Variants in TNFSF4 observed in about 807,000 individuals in gnomAD.
TNFSF4 encodes tumor necrosis factor ligand superfamily member 4.
TNFSF4 carries 4 observed loss-of-function variants against 7.3 expected under a neutral mutation model. The observed-to-expected ratio is 0.55, with a 90% CI of 0.27 to 1.25. TNFSF4 has a LOEUF of 1.25. Among genes scored for constraint, TNFSF4 ranks in the 50% most tolerant of loss-of-function variants. The pLI, the probability that TNFSF4 is intolerant of heterozygous loss-of-function variation, is 0.12. For missense variants in TNFSF4, 181 were observed against 208.8 expected (o/e 0.87, Z 0.82); for synonymous variants, 76 against 83.7 (o/e 0.91, Z 0.50).
At chr1:173,417,636 A>G in the TNFSF4 span, among the ~76,000 whole-genome samples, 1 of 152,204 alleles carries the variant, frequency 6.6e-6, no homozygotes, top group African/African-American at 2.4e-5. Flanking sequence ...GCCTGACATT[A>G]TAACAAAGAG....
the TNFSF4 span, among the ~76,000 whole-genome samples, chr1:173,312,980 C>T: frequency 6.6e-6 from 1 of 152,236 alleles, no homozygotes; most frequent in South Asian, 2.1e-4. Context: ...TTCAGCCCCA[C>T]TTACAGGGAC....
chr1:173,413,043 A>G, the TNFSF4 span, among the ~76,000 whole-genome samples: 1 of 152,184 alleles, frequency 6.6e-6, no homozygotes, highest in Non-Finnish European at 1.5e-5. Flanking sequence ...GATGGAGCCC[A>G]CCCAGACCAA....
At chr1:173,308,309 GTGTC>G in the TNFSF4 span, among the ~76,000 whole-genome samples, 160 of 149,210 alleles carry the variant, frequency 1.1e-3, no homozygotes, top group African/African-American at 2.8e-3. Flanking sequence ...GTGTGTGTGT[GTGTC>G]TGTGTGTGTG....
At chr1:173,191,855 T>C (rs557869598) in intron 1 of TNFSF4, among the ~76,000 whole-genome samples, 8 of 152,306 alleles carry the variant, frequency 5.3e-5, no homozygotes, top group African/African-American at 1.7e-4. Flanking sequence ...ATCCAGCAGT[T>C]TGCCAGCACA....
chr1:173,348,112 T>C, the TNFSF4 span, among the ~76,000 whole-genome samples: 2 of 152,142 alleles, frequency 1.3e-5, no homozygotes, highest in Non-Finnish European at 2.9e-5. Flanking sequence ...AGATCAATAA[T>C]CTAAGTACCT....
At chr1:173,212,162 T>C (rs1650393083), upstream of TNFSF4, among the ~76,000 whole-genome samples, 1 of 152,020 alleles carries the variant, frequency 6.6e-6, no homozygotes, top group Non-Finnish European at 1.5e-5. Flanking sequence ...CAGGAACAAA[T>C]ACAGTGAGAA....
chr1:173,190,725 G>A lies in TNFSF4; in HGVS notation c.154-2156C>T, dbSNP rs760594263. ...TCCTGGGTAAATAAATGTTTCCACT[G>A]CTCTCTGGGCTAAGTGCCAGCATGA... On this transcript the variant is annotated intron_variant, in intron 1 of 2. Transcript: ENST00000281834. Among the ~76,000 whole-genome samples, 52 of 152,352 alleles carry A rather than the reference G, an allele frequency of 3.4e-4. 1 individual carries two copies. Among genetic ancestry groups the A allele is most frequent in the South Asian group, 6.2e-4 (3 of 4,826 alleles).
chr1:173,306,503 G>T, the TNFSF4 span, among the ~76,000 whole-genome samples: 1 of 152,006 alleles, frequency 6.6e-6, no homozygotes, highest in Non-Finnish European at 1.5e-5. Context: ...TCTAGTGTAG[G>T]TATTCTCTCT....
chr1:173,174,623 T>G, the TNFSF4 span: 2 of 152,176 alleles, frequency 1.3e-5, no homozygotes, highest in African/African-American at 4.8e-5. Context: ...GAAAAGTTCT[T>G]TATGAAACCT....
At chr1:173,348,717 A>T in the TNFSF4 span, among the ~76,000 whole-genome samples, 1 of 152,244 alleles carries the variant, frequency 6.6e-6, no homozygotes, top group Non-Finnish European at 1.5e-5. Flanking sequence ...TGCATGAAAA[A>T]GACCACCACA....
the TNFSF4 span, among the ~76,000 whole-genome samples, chr1:173,303,534 C>G: frequency 2.6e-5 from 4 of 151,924 alleles, no homozygotes; most frequent in African/African-American, 9.6e-5. Context: ...CGGTGTTTGT[C>G]CGAGATGACG....
chr1:173,242,833 G>A, the TNFSF4 span, among the ~76,000 whole-genome samples: 1 of 152,094 alleles, frequency 6.6e-6, no homozygotes, highest in Admixed American at 6.5e-5. Flanking sequence ...GTGCAGCCCT[G>A]CTGTGAGACT....
Position 173,195,160 on chromosome 1 carries a change from C to CA in TNFSF4, c.154-6592dup, listed in dbSNP as rs1260724718. Among the ~76,000 whole-genome samples the CA allele has an allele frequency of 9.2e-5, 14 of 151,538 alleles. No individual in the cohort carries two copies. The South Asian group carries it at 1.0e-3, about 11-fold the overall frequency. On this transcript the variant is annotated intron_variant, in intron 1 of 2. Transcript: ENST00000281834. Reference sequence around the variant, plus strand: ...ACACTATCATAAGAGTAAATAACACCAAAAAAAAGCATTTATCTGAGGGTC... The same window carrying CA: ...ACACTATCATAAGAGTAAATAACACCAAAAAAAAAGCATTTATCTGAGGGTC...
chr1:173,313,365 T>C, the TNFSF4 span, among the ~76,000 whole-genome samples: 1 of 152,140 alleles, frequency 6.6e-6, no homozygotes, highest in Non-Finnish European at 1.5e-5. Context: ...CATTCTCAAT[T>C]GAATAAGGCA....
At chr1:173,426,848 C>T in the TNFSF4 span, among the ~76,000 whole-genome samples, 1 of 152,118 alleles carries the variant, frequency 6.6e-6, no homozygotes, top group Non-Finnish European at 1.5e-5. Flanking sequence ...CCTGCATCAG[C>T]CTCCCAAAGT....
At chr1:173,193,274 G>A (rs1195736057) in intron 1 of TNFSF4, among the ~76,000 whole-genome samples, 1 of 152,140 alleles carries the variant, frequency 6.6e-6, no homozygotes, top group Non-Finnish European at 1.5e-5. Flanking sequence ...GGGCCAGGGG[G>A]CTTCCATCTA....
the TNFSF4 span, among the ~76,000 whole-genome samples, chr1:173,291,738 A>T: frequency 1.3e-5 from 2 of 152,120 alleles, no homozygotes; most frequent in East Asian, 3.9e-4. Flanking sequence ...AAGCAAGATT[A>T]AAAGACTGAA....
At chr1:173,188,332 C>A in intron 2 of TNFSF4, 189 bp downstream of exon 2, 1 of 574,372 alleles carries the variant, frequency 1.7e-6, no homozygotes. Flanking sequence ...ATAATTAATC[C>A]CCTTTTCTCT....
chr1:173,387,661 T>A, the TNFSF4 span, among the ~76,000 whole-genome samples: 5 of 152,294 alleles, frequency 3.3e-5, no homozygotes, highest in East Asian at 9.6e-4. Flanking sequence ...CAGCTGTATG[T>A]TCAGAGTCCT....
Sources: allele counts gnomAD v4.1 joint callset (sites outside exome capture counted in the v4.1 genomes callset), GRCh38; gene constraint gnomAD v4.1.1; transcripts MANE v1.5; gene names NCBI Gene and HGNC (gene_info 2026-07-23, HGNC 2026-07-21).